Variants in PLEKHG1 observed in about 807,000 individuals in gnomAD.
The protein encoded by PLEKHG1 is pleckstrin homology and RhoGEF domain containing G1.
In PLEKHG1, 44 loss-of-function variants were observed where a neutral mutation model predicts 100.8. The ratio of observed to expected loss-of-function variants is 0.44; its 90% confidence interval spans 0.34 to 0.56. The LOEUF (loss-of-function observed/expected upper bound fraction) is 0.56, where lower values mean the gene tolerates loss of function less well. Among genes scored for constraint, PLEKHG1 ranks in the 20% least tolerant of loss-of-function variants. The pLI, the probability that PLEKHG1 is intolerant of heterozygous loss-of-function variation, is 0.01. For missense variants in PLEKHG1, 1,545 were observed against 1,720.9 expected, an observed-to-expected ratio of 0.90 and a Z score of 1.81; for synonymous variants, 640 against 662.5, an observed-to-expected ratio of 0.97 and a Z score of 0.52.
intron 3 of PLEKHG1, among the ~76,000 whole-genome samples, chr6:150,655,905 C>G (rs979044657): frequency 3.3e-5 from 5 of 151,726 alleles, no homozygotes; most frequent in Non-Finnish European, 5.9e-5. Context: ...AATGAGAACA[C>G]ATGGACACAG....
chr6:150,714,620 T>C (rs115217568), intron 3 of PLEKHG1, among the ~76,000 whole-genome samples: 2,189 of 152,254 alleles, frequency 0.014, 59 homozygotes, highest in African/African-American at 0.049. Flanking sequence ...AATACTGACA[T>C]TTAGTTCAGT....
intron 2 of PLEKHG1, among the ~76,000 whole-genome samples, chr6:150,737,169 A>G (rs1782602548): frequency 6.6e-6 from 1 of 152,216 alleles, no homozygotes; most frequent in Non-Finnish European, 1.5e-5. Context: ...TCCAGATCAC[A>G]ACTTTATCAG....
At chr6:150,656,348 T>C (rs1778971185) in intron 3 of PLEKHG1, among the ~76,000 whole-genome samples, 1 of 152,220 alleles carries the variant, frequency 6.6e-6, no homozygotes, top group Non-Finnish European at 1.5e-5. Flanking sequence ...CTCCTGTTCC[T>C]GTCCTTGGAA....
intron 2 of PLEKHG1, among the ~76,000 whole-genome samples, chr6:150,645,602 G>T (rs1562405883): frequency 6.6e-6 from 1 of 152,144 alleles, no homozygotes; most frequent in African/African-American, 2.4e-5. Context: ...TGCATGAACA[G>T]ATTTTTCACA....
intron 1 of PLEKHG1, among the ~76,000 whole-genome samples, chr6:150,607,420 A>G (rs946452471): frequency 2.0e-5 from 3 of 152,314 alleles, no homozygotes; most frequent in Admixed American, 2.0e-4. Context: ...TCTGAGGCAT[A>G]AATATACGAT....
chr6:150,680,022 G>C (rs955747762), intron 3 of PLEKHG1, among the ~76,000 whole-genome samples: 4 of 152,202 alleles, frequency 2.6e-5, no homozygotes, highest in African/African-American at 9.6e-5. Context: ...GAACATGTGA[G>C]TGCTGGAGGC....
chr6:150,670,927 C>T (rs1779560874), intron 3 of PLEKHG1, among the ~76,000 whole-genome samples: 1 of 149,870 alleles, frequency 6.7e-6, no homozygotes, highest in African/African-American at 2.5e-5. Context: ...ATTCTTATGC[C>T]TTTGCGTCCT....
chr6:150,824,430 A>G (rs533356390), intron 14 of PLEKHG1, among the ~76,000 whole-genome samples: 4 of 152,098 alleles, frequency 2.6e-5, no homozygotes, highest in Non-Finnish European at 1.5e-5. Context: ...TCTCATTTCC[A>G]CCATGGCTTA....
At chr6:150,761,099 CTTTTTTTTT>C (rs35068801) in intron 2 of PLEKHG1, among the ~76,000 whole-genome samples, 3 of 95,950 alleles carry the variant, frequency 3.1e-5, no homozygotes, top group Non-Finnish European at 5.9e-5. Context: ...TTCTTTTTTT[CTTTTTTTTT>C]TTTTTTTTTT....
intron 5 of PLEKHG1, 114 bp downstream of exon 6, chr6:150,796,016 C>A: frequency 3.0e-6 from 2 of 673,180 alleles, no homozygotes; most frequent in Non-Finnish European, 5.3e-6. Flanking sequence ...GTGCTGAATA[C>A]TATGGGAAGA....
chr6:150,830,724 T>C lies in PLEKHG1; in HGVS notation c.1613T>C (p.Ile538Thr), dbSNP rs1776868469. The C allele has an allele frequency of 2.5e-6, 4 of 1,614,196 alleles. No individual in the cohort carries two copies. In the African/African-American group the frequency reaches 4.0e-5, roughly 16 times the overall value. Residue 538 changes from isoleucine (I) to threonine (T), a missense_variant, in exon 15 of 16, where the codon ATC becomes ACC. Ile to Thr is a moderately conservative substitution (Grantham distance 89). Coordinates refer to ENST00000358517, the Ensembl canonical transcript of PLEKHG1. ...AGAAACATCTGGACCGATCACCAGA[T>C]CAGGCAAGCCTTGTTTCCCAGCCGA...
intron 1 of PLEKHG1, among the ~76,000 whole-genome samples, chr6:150,633,833 G>A (rs1469643730): frequency 6.6e-6 from 1 of 152,142 alleles, no homozygotes; most frequent in Non-Finnish European, 1.5e-5. Context: ...CAGAGGGTGA[G>A]TTTGGATGTA....
rs1044688204 is a variant in PLEKHG1 at position 150,600,895 on chromosome 6, T to G, written c.-204+878T>G. On this transcript the variant is annotated intron_variant, in intron 1 of 3. Transcript: ENST00000367326. This position sits in a 1 kb window ranked among gnomAD's most constrained non-coding sequence, Gnocchi z 6.2. ...GCGGAGCGGGGTTTGTAAGCCGGCG[T>G]TTCATCCAGCTCTGGTCCTCAAGGC... is the stretch of plus-strand genomic sequence containing the variant. 3 of 152,196 alleles carry G rather than the reference T, an allele frequency of 2.0e-5. No individual in the cohort carries two copies. The highest frequency in any genetic ancestry group is 4.4e-5 in the Non-Finnish European group (3 of 68,038). 9.4% of individuals were successfully genotyped at this position (152,196 alleles called of 1,614,324 possible).
chr6:150,644,334 G>GTTTTTTTCTTTTTTTTTTTTTTTT (rs1778394908), intron 2 of PLEKHG1, among the ~76,000 whole-genome samples: 1 of 117,622 alleles, frequency 8.5e-6, no homozygotes, highest in Non-Finnish European at 1.7e-5. Flanking sequence ...TTCTTTTCGT[G>GTTTTTTTCTTTTTTTTTTTTTTTT]TTTTTTTTTT....
chr6:150,634,250 C>CAAAA (rs139347441), intron 1 of PLEKHG1, among the ~76,000 whole-genome samples: 5 of 120,350 alleles, frequency 4.2e-5, no homozygotes, highest in East Asian at 2.4e-4. Context: ...ATCTCCCCCC[C>CAAAA]AAAAAAAAAA....
chr6:150,615,757 T>C (rs1582815608), intron 1 of PLEKHG1, among the ~76,000 whole-genome samples: 1 of 151,228 alleles, frequency 6.6e-6, no homozygotes, highest in South Asian at 2.1e-4. Context: ...GGGGAGGAGG[T>C]GGTTAGGAAG....
At chr6:150,785,046 A>AG (rs1554273273) in intron 3 of PLEKHG1, among the ~76,000 whole-genome samples, 30 of 151,876 alleles carry the variant, frequency 2.0e-4, no homozygotes, top group Admixed American at 3.9e-4. Context: ...AAAAAAAAAA[A>AG]AGAGAGAGAG....
intron 1 of PLEKHG1, among the ~76,000 whole-genome samples, chr6:150,605,285 T>G (rs1040736865): frequency 3.9e-5 from 6 of 152,186 alleles, no homozygotes; most frequent in African/African-American, 1.4e-4. Context: ...TCCAGGGCCT[T>G]GGATGCGATA....
chr6:150,634,281 A>AAG (rs937059646), intron 1 of PLEKHG1, among the ~76,000 whole-genome samples: 2 of 133,524 alleles, frequency 1.5e-5, no homozygotes, highest in African/African-American at 7.9e-5. Flanking sequence ...GAGGAAGAAG[A>AAG]AAAAAAAAAG....
Sources: gnomAD v4.1 joint callset for allele counts (sites outside exome capture counted in the v4.1 genomes callset) on GRCh38, gnomAD v4.1.1 for gene constraint, Gnocchi (gnomAD v3.1) non-coding constraint, MANE v1.5 for transcripts, NCBI Gene and HGNC (gene_info 2026-07-23, HGNC 2026-07-21) for gene names.